GRID1: variants seen among roughly 807,000 people sequenced by gnomAD.
GRID1 encodes glutamate receptor ionotropic, delta-1.
GRID1 carries 28 observed loss-of-function variants against 98.0 expected under a neutral mutation model. The ratio of observed to expected loss-of-function variants is 0.29; its 90% CI spans 0.21 to 0.39. GRID1 has a LOEUF of 0.39. Among genes scored for constraint, GRID1 ranks in the 10% least tolerant of loss-of-function variants. The pLI, the probability that GRID1 is intolerant of heterozygous loss-of-function variation, is 1.00. For missense variants in GRID1, 1,111 were observed against 1,340.5 expected (o/e 0.83, Z 2.67); for synonymous variants, 553 against 538.5 (o/e 1.03, Z -0.37).
chr10:86,105,703 T>TC (rs1844374028), intron 4 of GRID1, among the ~76,000 whole-genome samples: 1 of 151,940 alleles, frequency 6.6e-6, no homozygotes, highest in East Asian at 1.9e-4. Flanking sequence ...AAAGATGCCA[T>TC]CCCCCCTCTC....
intron 13 of GRID1, among the ~76,000 whole-genome samples, chr10:85,622,758 G>A (rs1842872265): frequency 6.6e-6 from 1 of 152,238 alleles, no homozygotes; most frequent in Non-Finnish European, 1.5e-5. Context: ...AATGCCAGGG[G>A]ATTGCAATTC....
At chr10:86,029,493 T>C (rs1293888124) in intron 4 of GRID1, among the ~76,000 whole-genome samples, 3 of 152,224 alleles carry the variant, frequency 2.0e-5, no homozygotes, top group Non-Finnish European at 2.9e-5. Context: ...TTGTACTTTA[T>C]GCAAATAATC....
At chr10:86,157,664 A>G (rs542503471) in intron 3 of GRID1, among the ~76,000 whole-genome samples, 1 of 152,198 alleles carries the variant, frequency 6.6e-6, no homozygotes, top group Non-Finnish European at 1.5e-5. Context: ...CAGTAACCTG[A>G]GTTCTTAGGC....
chr10:86,154,904 C>T (rs1446711445), intron 3 of GRID1, among the ~76,000 whole-genome samples: 1 of 152,170 alleles, frequency 6.6e-6, no homozygotes, highest in African/African-American at 2.4e-5. Context: ...CACTCCCCGT[C>T]TCATTTACTC....
chr10:86,139,677 A>T (rs898612484), intron 3 of GRID1, among the ~76,000 whole-genome samples: 1 of 152,236 alleles, frequency 6.6e-6, no homozygotes, highest in South Asian at 2.1e-4. Flanking sequence ...AAGTCCAGTC[A>T]GAAGCCCACA....
rs78287933 is a variant in GRID1, at chr10:86,305,989, C to G, written c.235+57952G>C. On this transcript the variant is annotated intron_variant, in intron 2 of 15. Coordinates refer to ENST00000327946, the MANE Select transcript of GRID1 (RefSeq NM_017551.3). ...TCCAGCCCAATTCCGCCCACCATAACTTGGGGGTGATCAGTGCCCCAACAT... is the reference window on the plus strand; with the variant it reads ...TCCAGCCCAATTCCGCCCACCATAAGTTGGGGGTGATCAGTGCCCCAACAT... Among the ~76,000 whole-genome samples, 659 of 152,278 alleles carry G rather than the reference C, an allele frequency of 4.3e-3. 9 individuals are homozygous for G. Among genetic ancestry groups the G allele is most frequent in the African/African-American group, 0.015 (622 of 41,548 alleles).
intron 4 of GRID1, among the ~76,000 whole-genome samples, chr10:86,083,429 T>C (rs1466416164): frequency 6.6e-6 from 1 of 152,202 alleles, no homozygotes; most frequent in Non-Finnish European, 1.5e-5. Flanking sequence ...TTTTGCACAA[T>C]GTGACACACA....
intron 4 of GRID1, among the ~76,000 whole-genome samples, chr10:86,069,655 A>C (rs1461291557): frequency 6.6e-6 from 1 of 152,164 alleles, no homozygotes; most frequent in East Asian, 1.9e-4. Context: ...CTCTAAATAA[A>C]TAAATAAATA....
intron 8 of GRID1, among the ~76,000 whole-genome samples, chr10:85,751,841 G>A (rs1202419311): frequency 6.6e-6 from 1 of 152,086 alleles, no homozygotes; most frequent in Non-Finnish European, 1.5e-5. Flanking sequence ...TGAGCTTGAT[G>A]TGCTTTTATA....
intron 8 of GRID1, among the ~76,000 whole-genome samples, chr10:85,765,277 C>A (rs1330037563): frequency 6.6e-6 from 1 of 152,152 alleles, no homozygotes; most frequent in Non-Finnish European, 1.5e-5. Context: ...AGCTCTGCAT[C>A]CAGAGGGAGA....
chr10:86,085,892 C>A (rs926927801), intron 4 of GRID1, among the ~76,000 whole-genome samples: 1 of 152,132 alleles, frequency 6.6e-6, no homozygotes, highest in African/African-American at 2.4e-5. Context: ...CCATCGGGAC[C>A]CATGGCCTGG....
At chr10:85,901,484 G>A (rs746509220) in intron 5 of GRID1, among the ~76,000 whole-genome samples, 12 of 152,062 alleles carry the variant, frequency 7.9e-5, no homozygotes, top group Admixed American at 3.9e-4. Flanking sequence ...TCCTGACCTC[G>A]TGATCTGCCC....
intron 4 of GRID1, among the ~76,000 whole-genome samples, chr10:86,050,803 G>T (rs1843490960): frequency 1.3e-5 from 2 of 151,648 alleles, no homozygotes; most frequent in Non-Finnish European, 2.9e-5. Flanking sequence ...AATTGCAATG[G>T]AATGTCAATA....
chr10:85,655,791 T>C (rs1415251459), intron 12 of GRID1, among the ~76,000 whole-genome samples: 2 of 152,154 alleles, frequency 1.3e-5, no homozygotes, highest in Non-Finnish European at 2.9e-5. Context: ...TTGCCTTCCA[T>C]CCTTTTAAAA....
chr10:85,876,675 A>G (rs1275238775), intron 5 of GRID1, among the ~76,000 whole-genome samples: 1 of 152,202 alleles, frequency 6.6e-6, no homozygotes, highest in Non-Finnish European at 1.5e-5. Flanking sequence ...TCCCAGCGTG[A>G]GTGACACAGA....
At chr10:86,217,384 T>C (rs1846190512) in intron 2 of GRID1, among the ~76,000 whole-genome samples, 1 of 152,248 alleles carries the variant, frequency 6.6e-6, no homozygotes. Context: ...GTAAAAAGTT[T>C]AGAATAACGT....
chr10:86,009,445 A>C (rs1842900981), intron 4 of GRID1, among the ~76,000 whole-genome samples: 1 of 152,198 alleles, frequency 6.6e-6, no homozygotes, highest in Non-Finnish European at 1.5e-5. Context: ...AGTTAACAGG[A>C]ACATCAAGCA....
intron 4 of GRID1, among the ~76,000 whole-genome samples, chr10:86,050,040 C>T (rs1843479801): frequency 1.3e-5 from 2 of 152,190 alleles, no homozygotes; most frequent in South Asian, 4.1e-4. Flanking sequence ...GAAATGATGG[C>T]ATCCATGCAC....
rs7358256 is a variant in GRID1, at chr10:85,633,483, G to A, written c.2194-13450C>T. Among the ~76,000 whole-genome samples, 883 of 152,286 alleles carry A rather than the reference G, an allele frequency of 5.8e-3. 5 individuals are homozygous for A. Among genetic ancestry groups the A allele is most frequent in the African/African-American group, 0.02 (829 of 41,550 alleles). ...TGTACCCTGAGGCCAAGGTGGCTTT[G>A]CTGTCTGAAGCAGCTTCCTCTTAAA... is the stretch of plus-strand genomic sequence containing the variant. On this transcript the variant is annotated intron_variant, in intron 13 of 15. Coordinates refer to ENST00000327946, the MANE Select transcript of GRID1 (RefSeq NM_017551.3).
Sources: gnomAD v4.1 joint callset for allele counts (sites outside exome capture counted in the v4.1 genomes callset) on GRCh38, gnomAD v4.1.1 for gene constraint, MANE v1.5 for transcripts, NCBI Gene and HGNC (gene_info 2026-07-23, HGNC 2026-07-21) for gene names.